MFAP3L: variants seen among roughly 807,000 people sequenced by gnomAD.
The protein encoded by MFAP3L is microfibril associated protein 3 like.
A neutral mutation model predicts 20.0 loss-of-function variants in MFAP3L; 5 were observed. The ratio of observed to expected loss-of-function variants is 0.25; its 90% CI spans 0.13 to 0.53. The LOEUF (loss-of-function observed/expected upper bound fraction) is 0.53, where lower values mean the gene tolerates loss of function less well. Ranked by LOEUF, MFAP3L falls within the 20% of genes least tolerant of loss-of-function variation. The pLI, the probability that MFAP3L is intolerant of heterozygous loss-of-function variation, is 0.96. For synonymous variants in MFAP3L, 219 were observed against 213.0 expected (o/e 1.03, Z -0.25); for missense variants, 409 against 527.5 (o/e 0.78, Z 2.20).
At chr4:170,020,578 C>T (rs952201830) in intron 1 of MFAP3L, among the ~76,000 whole-genome samples, 1 of 150,850 alleles carries the variant, frequency 6.6e-6, no homozygotes, top group Non-Finnish European at 1.5e-5. Context: ...CACAGTCTGA[C>T]TCCCATCCAC....
chr4:169,991,514 G>C lies in MFAP3L; in HGVS notation c.1094C>G (p.Ser365Cys). 6.2e-7 allele frequency: 1 copy of C among 1,614,180 alleles called. No homozygotes were observed. The highest frequency in any genetic ancestry group is 2.2e-5 in the East Asian group (1 of 44,876). Residue 365 changes from serine to cysteine, a missense_variant, in exon 3 of 3, where the codon TCC becomes TGC. Coordinates refer to ENST00000361618, the MANE Select transcript of MFAP3L (RefSeq NM_021647.8). This position sits in a 1 kb window ranked among gnomAD's most constrained non-coding sequence, Gnocchi z 4.9. The stretch of plus-strand genomic sequence containing the variant: ...TGGCTCTTCAGATGTTAGCTCGGTG[G>C]ACGTGACATCGGTAGAAGGTTCTGC... ...ETAEPSTDVT[S>C]TELTSEEPTP...
chr4:170,020,602 T>G, intron 1 of MFAP3L, among the ~76,000 whole-genome samples: 1 of 144,476 alleles, frequency 6.9e-6, no homozygotes, highest in African/African-American at 2.6e-5. Flanking sequence ...CCTGACTGCA[T>G]CTCTGGAGCC....
rs1036455200 is a variant in MFAP3L, at chr4:169,987,436, G to C, written c.*3942C>G. ...GTATCTGAACAATGCTGAGAAAACA[G>C]AGTATCTGAAATGTAAGGTAAATGT... On this transcript the variant is annotated 3_prime_UTR_variant, in exon 3 of 3. Transcript: ENST00000361618. 7 of 152,134 alleles carry C rather than the reference G, an allele frequency of 4.6e-5. No individual in the cohort carries two copies. The highest frequency in any genetic ancestry group is 1.7e-4 in the African/African-American group (7 of 41,438). 9.4% of individuals were successfully genotyped at this position (152,134 alleles called of 1,614,324 possible). A position where few individuals can be genotyped will look rare whatever the true frequency, so the allele number is the denominator to read the frequency against.
Position 170,005,900 on chromosome 4 carries a change from C to T in MFAP3L, c.-23G>A. ...CATCTTCTTTGCTTGCTCTGTAAGG[C>T]AATAGAGAGATGGTTTGCCAACCGA... On this transcript the variant is annotated 5_prime_UTR_variant, in exon 2 of 3. Transcript: ENST00000361618. 6.2e-7 allele frequency: 1 copy of T among 1,604,022 alleles called. No individual in the cohort carries two copies. The highest frequency in any genetic ancestry group is 8.5e-7 in the Non-Finnish European group (1 of 1,172,956).
intron 1 of MFAP3L, among the ~76,000 whole-genome samples, chr4:170,015,502 G>A (rs1739644271): frequency 6.6e-6 from 1 of 152,204 alleles, no homozygotes; most frequent in East Asian, 1.9e-4. Flanking sequence ...CACAGCTTGT[G>A]CGCCACGCAG....
At chr4:170,020,689 C>T (rs1044110221) in intron 1 of MFAP3L, among the ~76,000 whole-genome samples, 1 of 149,664 alleles carries the variant, frequency 6.7e-6, no homozygotes, top group African/African-American at 2.5e-5. Context: ...CTCCCCAACC[C>T]CAGCAAGTTC....
intron 2 of MFAP3L, chr4:169,997,873 C>A: frequency 1.1e-6 from 1 of 918,808 alleles, no homozygotes; most frequent in Non-Finnish European, 1.3e-6. Flanking sequence ...AGGTAGTTGT[C>A]AGGCTGGTAA....
rs1177455813 is a variant in MFAP3L, at chr4:170,002,186, G to A, written c.298+3394C>T. The A allele has an allele frequency of 3.0e-6, 3 of 985,236 alleles. No homozygotes were observed. The African/African-American group carries it at 5.2e-5, about 17-fold the overall frequency. The allele number at this position is 985,236 out of a possible 1,614,324, so 61.0% of individuals were successfully genotyped here. A position where few individuals can be genotyped will look rare whatever the true frequency, so the allele number is the denominator to read the frequency against. On this transcript the variant is annotated intron_variant, in intron 2 of 2. Coordinates refer to ENST00000361618, the MANE Select transcript of MFAP3L (RefSeq NM_021647.8). ...ATCTAGTTCTTCTCATATTCACTCA[G>A]TCTGAGTGAGAGGCTCTTCAACATT...
At chr4:170,002,221 C>A in intron 2 of MFAP3L, 1 of 985,378 alleles carries the variant, frequency 1.0e-6, no homozygotes, top group Non-Finnish European at 1.2e-6. Context: ...TTTTCACCTA[C>A]AGGACCTAAA....
At chr4:169,996,683 C>G (rs189509315) in intron 2 of MFAP3L, among the ~76,000 whole-genome samples, 161 of 152,238 alleles carry the variant, frequency 1.1e-3, no homozygotes, top group Middle Eastern at 3.4e-3. Flanking sequence ...ACTAGAAAAC[C>G]GAGAAGGGCT....
intron 2 of MFAP3L, among the ~76,000 whole-genome samples, chr4:169,999,496 G>C (rs769009907): frequency 6.6e-6 from 1 of 152,268 alleles, no homozygotes; most frequent in African/African-American, 2.4e-5. Context: ...ATAGAACATG[G>C]AATCATAATA....
intron 1 of MFAP3L, among the ~76,000 whole-genome samples, chr4:170,013,626 T>C (rs1205608615): frequency 6.6e-6 from 1 of 152,186 alleles, no homozygotes; most frequent in Non-Finnish European, 1.5e-5. Context: ...CTGCTAATAA[T>C]AACCTCAGAT....
intron 2 of MFAP3L, chr4:169,994,542 T>C: frequency 1.0e-6 from 1 of 975,372 alleles, no homozygotes; most frequent in African/African-American, 1.8e-5. Context: ...TAAAAATGTT[T>C]CTGAACGTGA....
At chr4:170,022,154 TGTGA>T (rs753749928) in intron 1 of MFAP3L, among the ~76,000 whole-genome samples, 1 of 152,230 alleles carries the variant, frequency 6.6e-6, no homozygotes, top group African/African-American at 2.4e-5. Flanking sequence ...TCCTTCTTAT[TGTGA>T]GTAAAAGTTT....
chr4:170,004,677 T>C (rs1252800776), intron 2 of MFAP3L, among the ~76,000 whole-genome samples: 7 of 152,174 alleles, frequency 4.6e-5, no homozygotes, highest in Admixed American at 3.3e-4. Flanking sequence ...ATTTAAAATG[T>C]AGGTTTTCCT....
chr4:170,015,695 T>C (rs1340301432), intron 1 of MFAP3L, among the ~76,000 whole-genome samples: 1 of 152,152 alleles, frequency 6.6e-6, no homozygotes, highest in Non-Finnish European at 1.5e-5. Flanking sequence ...CTCCAGGACT[T>C]CCTATATGGA....
chr4:169,987,818 A>C lies in MFAP3L; in HGVS notation c.*3560T>G, dbSNP rs1287139510. The stretch of plus-strand genomic sequence containing the variant: ...ATCAGTCCATTAAAATAATTTACAT[A>C]GCCATAGGTAAATTCATCCAGTCTT... On this transcript the variant is annotated 3_prime_UTR_variant, in exon 3 of 3. Coordinates refer to ENST00000361618, the MANE Select transcript of MFAP3L (RefSeq NM_021647.8). 6.6e-6 allele frequency: 1 copy of C among 152,218 alleles called. No homozygotes were observed. Among genetic ancestry groups the C allele is most frequent in the African/African-American group, 2.4e-5 (1 of 41,458 alleles). The allele number at this position is 152,218 out of a possible 1,614,324, so 9.4% of individuals were successfully genotyped here.
chr4:170,002,593 T>A (rs1396076786), intron 2 of MFAP3L, among the ~76,000 whole-genome samples: 1 of 152,054 alleles, frequency 6.6e-6, no homozygotes, highest in African/African-American at 2.4e-5. Context: ...CACTGCAACC[T>A]CTGCCTCCCA....
At chr4:170,006,047 A>T in intron 1 of MFAP3L, 37 bp from the exon 2 acceptor site, 1 of 1,367,136 alleles carries the variant, frequency 7.3e-7, no homozygotes. Flanking sequence ...ACACATAAAC[A>T]TTAGCATTCA....
Sources: allele counts gnomAD v4.1 joint callset (sites outside exome capture counted in the v4.1 genomes callset), GRCh38; gene constraint gnomAD v4.1.1; non-coding constraint Gnocchi (gnomAD v3.1); transcripts MANE v1.5; gene names NCBI Gene and HGNC (gene_info 2026-07-23, HGNC 2026-07-21).